AATF: variants seen among roughly 807,000 people sequenced by gnomAD.
AATF encodes the protein apoptosis antagonizing transcription factor.
In AATF, 48 loss-of-function variants were observed where a neutral mutation model predicts 63.7. The observed-to-expected ratio is 0.75, with a 90% confidence interval of 0.60 to 0.96. The LOEUF (loss-of-function observed/expected upper bound fraction) is 0.96, where lower values mean the gene tolerates loss of function less well. Ranked by LOEUF, AATF falls within the 40% of genes least tolerant of loss-of-function variation. AATF has a pLI of 0.00. For missense variants in AATF, 639 were observed against 685.7 expected, an observed-to-expected ratio of 0.93 and a Z score of 0.76; for synonymous variants, 258 against 247.7, an observed-to-expected ratio of 1.04 and a Z score of -0.39.
chr17:36,959,149 A>G (rs1462236820), intron 4 of AATF, among the ~76,000 whole-genome samples: 3 of 151,648 alleles, frequency 2.0e-5, no homozygotes, highest in Non-Finnish European at 2.9e-5. Context: ...GTCTCAAAAA[A>G]AACAAACATA....
At chr17:36,977,203 A>T (rs563061963) in intron 4 of AATF, among the ~76,000 whole-genome samples, 1 of 152,186 alleles carries the variant, frequency 6.6e-6, no homozygotes, top group African/African-American at 2.4e-5. Flanking sequence ...TTTGTAGCAT[A>T]CCTTTTATGG....
intron 10 of AATF, 73 bp downstream of exon 10, chr17:37,021,087 G>T: frequency 8.9e-7 from 1 of 1,126,552 alleles, no homozygotes; most frequent in Non-Finnish European, 1.2e-6. Flanking sequence ...TGGCTGTTAT[G>T]TCATTTTTCT....
chr17:36,979,420 A>G (rs906583445), intron 4 of AATF, among the ~76,000 whole-genome samples: 2 of 152,164 alleles, frequency 1.3e-5, no homozygotes, highest in Admixed American at 6.5e-5. Context: ...GGGGATGACT[A>G]GTGCAAGTGG....
In AATF at chr17:36,990,970, A is replaced by C. The variant is rs2071210313; in HGVS notation, c.1398+113A>C. On this transcript the variant is annotated intron_variant, in intron 8 of 11. Coordinates refer to ENST00000619387, the MANE Select transcript of AATF (RefSeq NM_012138.4). ...TTTGGAAGGATAGAGTCAGACAGTG[A>C]GTTAGAACTCCCGCGTTCAAAATTG... is the stretch of plus-strand genomic sequence containing the variant. 5 of 661,402 alleles carry C rather than the reference A, an allele frequency of 7.6e-6. No individual in the cohort carries two copies. In the South Asian group the frequency reaches 1.3e-4, roughly 17 times the overall value. The allele number at this position is 661,402 out of a possible 1,614,324, so 41.0% of individuals were successfully genotyped here. A position where few individuals can be genotyped will look rare whatever the true frequency, so the allele number is the denominator to read the frequency against.
intron 11 of AATF, among the ~76,000 whole-genome samples, chr17:37,053,053 G>C (rs1451426965): frequency 6.6e-6 from 1 of 152,166 alleles, no homozygotes; most frequent in East Asian, 1.9e-4. Flanking sequence ...CCAGAACTCT[G>C]TCATTCCTAT....
At chr17:36,995,819 T>TAGCTTCCC (rs1342901094) in intron 8 of AATF, among the ~76,000 whole-genome samples, 2 of 152,064 alleles carry the variant, frequency 1.3e-5, no homozygotes, top group African/African-American at 4.8e-5. Flanking sequence ...TTGCCCACCT[T>TAGCTTCCC]AGCCTCCCAA....
chr17:36,995,561 T>G (rs946981291), intron 8 of AATF, among the ~76,000 whole-genome samples: 34 of 152,070 alleles, frequency 2.2e-4, no homozygotes, highest in African/African-American at 8.2e-4. Context: ...ATTTATCGAT[T>G]TATTTTGTTT....
intron 11 of AATF, among the ~76,000 whole-genome samples, chr17:37,046,958 G>T (rs1367336255): frequency 6.6e-6 from 1 of 152,148 alleles, no homozygotes; most frequent in Admixed American, 6.6e-5. Flanking sequence ...TCTTCCTGAA[G>T]CCAGCAGTCA....
chr17:36,981,908 G>A (rs1412163686), intron 4 of AATF, among the ~76,000 whole-genome samples: 1 of 151,772 alleles, frequency 6.6e-6, no homozygotes, highest in East Asian at 1.9e-4. Flanking sequence ...GTACAGTTTA[G>A]TAGTGTTAAA....
intron 11 of AATF, among the ~76,000 whole-genome samples, chr17:37,051,639 C>T (rs1292566921): frequency 6.6e-6 from 1 of 151,658 alleles, no homozygotes; most frequent in Non-Finnish European, 1.5e-5. Context: ...CTTTAAGTCT[C>T]TTCAGAAGAA....
At chr17:37,031,547 G>A (rs1263493713) in intron 10 of AATF, 67 bp from the exon 11 acceptor site, 24 of 1,281,780 alleles carry the variant, frequency 1.9e-5, no homozygotes, top group Admixed American at 5.0e-5. Context: ...TTAACTCACT[G>A]AATGTGTTTC....
rs544972942 is a variant in AATF, at chr17:36,953,280, C to A, written c.678C>A (p.Ala226=). The A allele has an allele frequency of 1.9e-6, 3 of 1,613,464 alleles. No individual in the cohort carries two copies. In the South Asian group the frequency reaches 3.3e-5, roughly 18 times the overall value. ...KVSEEVEKGR[A]VKNQIALWDQ... is the part of the protein sequence containing the mutation. ...CTGAGGAAGTGGAGAAAGGAAGAGCCGTGAAGAACCAGATAGGTTTGTACA... is the reference window on the plus strand; with the variant it reads ...CTGAGGAAGTGGAGAAAGGAAGAGCAGTGAAGAACCAGATAGGTTTGTACA... The change falls in exon 3 of 12, where the codon GCC becomes GCA. Residue 226 remains alanine (A), a synonymous_variant. Transcript: ENST00000619387.
chr17:37,040,996 G>A (rs1336137118), intron 11 of AATF, among the ~76,000 whole-genome samples: 1 of 152,096 alleles, frequency 6.6e-6, no homozygotes, highest in Admixed American at 6.5e-5. Context: ...CTTAGAGACA[G>A]TATCTTTTTC....
At chr17:36,964,170 CTTT>C (rs36064518) in intron 4 of AATF, among the ~76,000 whole-genome samples, 28 of 101,366 alleles carry the variant, frequency 2.8e-4, no homozygotes, top group African/African-American at 5.6e-4. Flanking sequence ...GGGTGTTTTG[CTTT>C]TTTTTTTTTT....
At chr17:37,032,808 A>G (rs1039282763) in intron 11 of AATF, among the ~76,000 whole-genome samples, 1 of 152,176 alleles carries the variant, frequency 6.6e-6, no homozygotes, top group African/African-American at 2.4e-5. Context: ...TTTTTCAATG[A>G]CGAAATAATA....
chr17:37,015,148 T>C (rs1035944896), intron 8 of AATF, among the ~76,000 whole-genome samples: 8 of 152,242 alleles, frequency 5.3e-5, no homozygotes, highest in African/African-American at 1.9e-4. Flanking sequence ...GAGTAAAGCA[T>C]TAAAGTTTAT....
intron 11 of AATF, among the ~76,000 whole-genome samples, chr17:37,046,724 T>TC (rs1483912218): frequency 1.7e-4 from 21 of 124,946 alleles, no homozygotes; most frequent in Middle Eastern, 4.1e-3. Flanking sequence ...CATCCTGTGC[T>TC]CCCCCAACAC....
intron 8 of AATF, among the ~76,000 whole-genome samples, chr17:37,010,832 AC>A (rs1391916776): frequency 1.3e-5 from 2 of 152,222 alleles, no homozygotes; most frequent in African/African-American, 4.8e-5. Flanking sequence ...GGAGCATTTC[AC>A]GTACAGAATG....
chr17:36,994,480 A>G (rs1258028768), intron 8 of AATF, among the ~76,000 whole-genome samples: 2 of 152,260 alleles, frequency 1.3e-5, no homozygotes, highest in African/African-American at 4.8e-5. Context: ...AGCATGAAGT[A>G]TAGCCAATGG....
Sources: gnomAD v4.1 joint callset for allele counts (sites outside exome capture counted in the v4.1 genomes callset) on GRCh38, gnomAD v4.1.1 for gene constraint, MANE v1.5 for transcripts, NCBI Gene and HGNC (gene_info 2026-07-23, HGNC 2026-07-21) for gene names.